KIF26B: variants seen among roughly 807,000 people sequenced by gnomAD.
KIF26B encodes the protein kinesin-like protein KIF26B.
A neutral mutation model predicts 151.2 loss-of-function variants in KIF26B; 63 were observed. That is an observed-to-expected ratio of 0.42 (90% CI 0.34 to 0.51). KIF26B has a LOEUF of 0.51. Ranked by LOEUF, KIF26B falls within the 20% of genes least tolerant of loss-of-function variation. KIF26B has a pLI of 0.07. For synonymous variants in KIF26B, 1,357 were observed against 1,262.1 expected (o/e 1.08, Z -1.59); for missense variants, 2,813 against 2,913.6 (o/e 0.97, Z 0.79).
intron 4 of KIF26B, among the ~76,000 whole-genome samples, chr1:245,499,263 CTGTGTGTGTT>C (rs1660572223): frequency 6.6e-6 from 1 of 150,410 alleles, no homozygotes; most frequent in Non-Finnish European, 1.5e-5. Flanking sequence ...GTGTGTGTGT[CTGTGTGTGTT>C]TGTGGTTTCC....
At chr1:245,410,476 T>G (rs1449476251) in intron 3 of KIF26B, among the ~76,000 whole-genome samples, 1 of 152,144 alleles carries the variant, frequency 6.6e-6, no homozygotes, top group Non-Finnish European at 1.5e-5. Context: ...TGAGACAGGG[T>G]CTCGCTCTGT....
chr1:245,657,814 CTTA>C (rs2044090788), intron 10 of KIF26B, among the ~76,000 whole-genome samples: 1 of 152,194 alleles, frequency 6.6e-6, no homozygotes, highest in African/African-American at 2.4e-5. Flanking sequence ...TGAGATTCTT[CTTA>C]TGTCTTTGAC....
chr1:245,366,861 G>T lies in KIF26B; in HGVS notation c.493G>T (p.Asp165Tyr). 1 of 1,613,906 alleles carries T rather than the reference G, an allele frequency of 6.2e-7. No homozygotes were observed. The highest frequency in any genetic ancestry group is 8.5e-7 in the Non-Finnish European group (1 of 1,179,864). ...KDPAFSAVIH[D>Y]KLQVPNTIRK... is the part of the protein sequence containing the mutation. Reference sequence around the variant, plus strand: ...CCCTGCTTTCTCGGCTGTGATTCACGACAAACTCCAGGTCCCCAACACCAT... The same window carrying T: ...CCCTGCTTTCTCGGCTGTGATTCACTACAAACTCCAGGTCCCCAACACCAT... The change falls in exon 3 of 15, where the codon GAC becomes TAC. Residue 165 changes from aspartate (D) to tyrosine (Y), a missense_variant. Transcript: ENST00000407071.
Position 245,700,944 on chromosome 1 carries a change from CCTT to C in KIF26B, c.6179-1512_6179-1510del, listed in dbSNP as rs372651477. Reference sequence around the variant, plus strand: ...TCCTTTCAGTCAGTCAGTTCTCTCTCCTTCATTTTTGCTATTTTCATTAACATT... The same window carrying C: ...TCCTTTCAGTCAGTCAGTTCTCTCTCCATTTTTGCTATTTTCATTAACATT... On this transcript the variant is annotated intron_variant, in intron 14 of 14. Coordinates refer to ENST00000407071, the MANE Select transcript of KIF26B (RefSeq NM_018012.4). 3.5e-3 allele frequency among the ~76,000 whole-genome samples: 538 copies of C among 152,340 alleles called. 2 individuals are homozygous for C. Among genetic ancestry groups the C allele is most frequent in the African/African-American group, 0.012 (497 of 41,584 alleles).
In KIF26B at chr1:245,160,695, C is replaced by T. The variant is rs141037813; in HGVS notation, c.465+4012C>T. On this transcript the variant is annotated intron_variant, in intron 2 of 14. Coordinates refer to ENST00000407071, the MANE Select transcript of KIF26B (RefSeq NM_018012.4). The stretch of plus-strand genomic sequence containing the variant: ...CAGAACTATGTTCCTATCTGATTGT[C>T]TCTCAGTCAGATATTCTGAGTCCAT... Among the ~76,000 whole-genome samples, 381 of 151,884 alleles carry T rather than the reference C, an allele frequency of 2.5e-3. 2 individuals carry two copies. Among genetic ancestry groups the T allele is most frequent in the African/African-American group, 8.5e-3 (352 of 41,378 alleles).
At chr1:245,240,985 G>A (rs944366361) in intron 2 of KIF26B, among the ~76,000 whole-genome samples, 8 of 152,254 alleles carry the variant, frequency 5.3e-5, no homozygotes, top group Admixed American at 2.0e-4. Context: ...CAGAGTCCCC[G>A]CCCAGGGATC....
At chr1:245,692,463 C>T (rs1279039331) in intron 12 of KIF26B, among the ~76,000 whole-genome samples, 2 of 152,058 alleles carry the variant, frequency 1.3e-5, no homozygotes, top group Non-Finnish European at 2.9e-5. Flanking sequence ...TACATCGGGA[C>T]AGGCAGAGAG....
intron 10 of KIF26B, chr1:245,673,867 T>C (rs2044325616): frequency 6.6e-6 from 1 of 152,220 alleles, no homozygotes; most frequent in Non-Finnish European, 1.5e-5. Flanking sequence ...CCACTTGGGC[T>C]CTGCAGTTTC....
chr1:245,312,637 A>G (rs768348390), intron 2 of KIF26B, among the ~76,000 whole-genome samples: 20 of 152,108 alleles, frequency 1.3e-4, no homozygotes, highest in Non-Finnish European at 2.5e-4. Flanking sequence ...GGTGGGCGGT[A>G]GCAAGTGTTG....
chr1:245,691,155 G>GA (rs1553306255), intron 12 of KIF26B, among the ~76,000 whole-genome samples: 1 of 152,192 alleles, frequency 6.6e-6, no homozygotes, highest in Non-Finnish European at 1.5e-5. Flanking sequence ...ACAGGTTTTT[G>GA]TTTTTTTCCC....
chr1:245,527,928 A>G (rs756457927), intron 4 of KIF26B, among the ~76,000 whole-genome samples: 3 of 152,054 alleles, frequency 2.0e-5, no homozygotes, highest in South Asian at 4.1e-4. Context: ...CCATAATTGC[A>G]TACTAGGTGG....
At chr1:245,638,001 ATAAGAATTT>A (rs2043853027) in intron 9 of KIF26B, among the ~76,000 whole-genome samples, 1 of 151,940 alleles carries the variant, frequency 6.6e-6, no homozygotes, top group African/African-American at 2.4e-5. Context: ...TTGTGATTCT[ATAAGAATTT>A]TAAGATTTCT....
intron 2 of KIF26B, among the ~76,000 whole-genome samples, chr1:245,285,835 A>G (rs1015706210): frequency 2.0e-5 from 3 of 151,636 alleles, no homozygotes; most frequent in Non-Finnish European, 1.5e-5. Context: ...AATTTTTAAA[A>G]ATGAAAAATA....
chr1:245,611,705 C>A, intron 8 of KIF26B, 88 bp from the exon 9 acceptor site: 1 of 1,392,532 alleles, frequency 7.2e-7, no homozygotes, highest in Non-Finnish European at 9.8e-7. Flanking sequence ...AACACACAGC[C>A]AGCTGAATGG....
At position 245,668,094 on chromosome 1, in the gene KIF26B, C is replaced by T. The variant is rs181019565; in HGVS notation, c.2259-16139C>T. 1.9e-3 allele frequency among the ~76,000 whole-genome samples: 290 copies of T among 152,292 alleles called. 1 individual carries two copies. Among genetic ancestry groups the T allele is most frequent in the Middle Eastern group, 3.4e-3 (1 of 294 alleles). On this transcript the variant is annotated intron_variant, in intron 10 of 14. Coordinates refer to ENST00000407071, the MANE Select transcript of KIF26B (RefSeq NM_018012.4). ...TATTTTTAGTAGAGACGGGGTTTCA[C>T]CATGTTGGTCAGGCTGGTCTTAAAC...
chr1:245,519,104 T>A (rs2103088735), intron 4 of KIF26B, among the ~76,000 whole-genome samples: 1 of 152,310 alleles, frequency 6.6e-6, no homozygotes, highest in East Asian at 1.9e-4. Context: ...ATGAGAGTTA[T>A]TAGAGTTCAG....
At chr1:245,444,200 C>T (rs1474587818) in intron 4 of KIF26B, among the ~76,000 whole-genome samples, 1 of 108,054 alleles carries the variant, frequency 9.3e-6, no homozygotes, top group East Asian at 2.2e-4. Flanking sequence ...TCACTGTTCA[C>T]CTAGAGGAGA....
At chr1:245,302,436 T>C (rs1312555907) in intron 2 of KIF26B, among the ~76,000 whole-genome samples, 1 of 152,246 alleles carries the variant, frequency 6.6e-6, no homozygotes, top group Non-Finnish European at 1.5e-5. Context: ...AGTCATGTGA[T>C]AGCATCCAGT....
intron 2 of KIF26B, among the ~76,000 whole-genome samples, chr1:245,280,293 C>A (rs544565152): frequency 1.3e-5 from 2 of 149,870 alleles, no homozygotes; most frequent in African/African-American, 4.9e-5. Flanking sequence ...ACGGGTGGAT[C>A]ATGAGGTCAG....
Sources: allele counts gnomAD v4.1 joint callset (sites outside exome capture counted in the v4.1 genomes callset), GRCh38; gene constraint gnomAD v4.1.1; transcripts MANE v1.5; gene names NCBI Gene and HGNC (gene_info 2026-07-23, HGNC 2026-07-21).